Variants in NLGN4X observed in about 807,000 individuals in gnomAD.
NLGN4X encodes the protein neuroligin-4, X-linked.
Under a neutral mutation model 40.3 loss-of-function variants are expected in NLGN4X, and 3 were observed. The ratio of observed to expected loss-of-function variants is 0.07; its 90% CI spans 0.03 to 0.19. The LOEUF (loss-of-function observed/expected upper bound fraction) is 0.19. Among genes scored for constraint, NLGN4X ranks in the 10% least tolerant of loss-of-function variants. NLGN4X has a pLI of 1.00. For missense variants in NLGN4X, 382 were observed against 708.3 expected (o/e 0.54, Z 5.23); for synonymous variants, 270 against 306.8 (o/e 0.88, Z 1.25).
chrX:6,135,085 G>A (rs780546387), intron 2 of NLGN4X, among the ~76,000 whole-genome samples: 7 of 111,889 alleles, frequency 6.3e-5, no homozygotes, highest in East Asian at 5.6e-4. Flanking sequence ...AGCATGTTGC[G>A]CCCACTCCTA....
intron 1 of NLGN4X, among the ~76,000 whole-genome samples, chrX:6,202,925 T>C (rs1244887879): frequency 1.8e-5 from 2 of 111,954 alleles, no homozygotes; most frequent in African/African-American, 3.3e-5. Context: ...TATCCAATAG[T>C]TTGCAAGATT....
chrX:5,910,736 T>A (rs1375312979), intron 3 of NLGN4X, among the ~76,000 whole-genome samples: 1 of 111,321 alleles, frequency 9.0e-6, no homozygotes, highest in Non-Finnish European at 1.9e-5. Flanking sequence ...CCAAAGAAAG[T>A]CACAGGACGA....
At chrX:6,200,687 C>CTTTTTTTTTTTT (rs767226691) in intron 1 of NLGN4X, among the ~76,000 whole-genome samples, 3 of 55,576 alleles carry the variant, frequency 5.4e-5, no homozygotes, top group Non-Finnish European at 9.2e-5. Flanking sequence ...CTTTCCTTTT[C>CTTTTTTTTTTTT]TTTTTTTTTT....
At chrX:6,034,474 A>G (rs1303873702) in intron 2 of NLGN4X, among the ~76,000 whole-genome samples, 2 of 112,165 alleles carry the variant, frequency 1.8e-5, no homozygotes, top group Non-Finnish European at 3.8e-5. Context: ...TTGCATGGAT[A>G]TATGTTTTCA....
At chrX:5,904,184 T>C (rs568009776) in intron 4 of NLGN4X, among the ~76,000 whole-genome samples, 5 of 111,502 alleles carry the variant, frequency 4.5e-5, no homozygotes, top group African/African-American at 1.3e-4. Flanking sequence ...TTTAGTGTCG[T>C]TTTTGCTTCC....
At chrX:6,091,748 A>G (rs911675918) in intron 2 of NLGN4X, among the ~76,000 whole-genome samples, 1 of 112,255 alleles carries the variant, frequency 8.9e-6, no homozygotes, top group Non-Finnish European at 1.9e-5. Flanking sequence ...GATCTGTATT[A>G]CAGAGTAAGA....
At chrX:5,989,290 G>T (rs2035617985) in intron 3 of NLGN4X, among the ~76,000 whole-genome samples, 1 of 110,742 alleles carries the variant, frequency 9.0e-6, no homozygotes, top group Non-Finnish European at 1.9e-5. Context: ...ATTACTATGG[G>T]CTCTGAAACG....
intron 3 of NLGN4X, among the ~76,000 whole-genome samples, chrX:6,011,204 G>A (rs371000696): frequency 2.6e-3 from 293 of 110,588 alleles, no homozygotes; most frequent in African/African-American, 9.3e-3. Flanking sequence ...TTGGCACTAT[G>A]AAAACCTGCT....
chrX:5,929,228 C>T (rs973002920), intron 3 of NLGN4X, among the ~76,000 whole-genome samples: 1 of 111,297 alleles, frequency 9.0e-6, no homozygotes, highest in African/African-American at 3.3e-5. Flanking sequence ...TTTGGGAGGC[C>T]GAGGTGGGAA....
At chrX:6,168,358 TAA>T (rs2040538527) in intron 1 of NLGN4X, among the ~76,000 whole-genome samples, 2 of 112,586 alleles carry the variant, frequency 1.8e-5, no homozygotes, top group Non-Finnish European at 3.7e-5. Flanking sequence ...CTTCAAATAC[TAA>T]AGCGTCATAG....
intron 3 of NLGN4X, among the ~76,000 whole-genome samples, chrX:5,918,087 A>T (rs1243288616): frequency 9.0e-6 from 1 of 111,586 alleles, no homozygotes; most frequent in Non-Finnish European, 1.9e-5. Flanking sequence ...ACCCAAGCAA[A>T]ATCTGGGGGA....
At chrX:5,939,703 G>C (rs2033857708) in intron 3 of NLGN4X, among the ~76,000 whole-genome samples, 1 of 111,345 alleles carries the variant, frequency 9.0e-6, no homozygotes, top group African/African-American at 3.3e-5. Flanking sequence ...ACAAAGAAAA[G>C]AGATAAGGGT....
At chrX:6,161,392 A>ATAATATATTCTAT (rs2040394670) in intron 1 of NLGN4X, among the ~76,000 whole-genome samples, 1 of 94,908 alleles carries the variant, frequency 1.1e-5, no homozygotes, top group African/African-American at 3.8e-5. Flanking sequence ...TATAGGATAT[A>ATAATATATTCTAT]AAATATATTA....
intron 2 of NLGN4X, among the ~76,000 whole-genome samples, chrX:6,094,105 G>A (rs1217667105): frequency 2.7e-5 from 3 of 111,173 alleles, no homozygotes; most frequent in African/African-American, 6.5e-5. Flanking sequence ...TTATTAGAAC[G>A]TCACACAAAT....
intron 2 of NLGN4X, among the ~76,000 whole-genome samples, chrX:6,091,725 C>T (rs1315230963): frequency 8.9e-6 from 1 of 112,086 alleles, no homozygotes; most frequent in Non-Finnish European, 1.9e-5. Flanking sequence ...TTTATAAAAG[C>T]TATTTTCTCA....
At chrX:6,044,131 A>AAATAAATAAATAAAT (rs1311884198) in intron 2 of NLGN4X, among the ~76,000 whole-genome samples, 1 of 110,655 alleles carries the variant, frequency 9.0e-6, no homozygotes, top group African/African-American at 3.3e-5. Context: ...ATAAATAAAT[A>AAATAAATAAATAAAT]AATAACAAAA....
At position 5,905,608 on chromosome X, in the gene NLGN4X, C is replaced by T. The variant is rs762742750; in HGVS notation, c.812-1742G>A. Among the ~76,000 whole-genome samples, 5 of 112,459 alleles carry T rather than the reference C, an allele frequency of 4.4e-5. No homozygotes were observed. The South Asian group carries it at 1.8e-3, about 41-fold the overall frequency. ...GTGGTGAACATCTTCATAAAACTAT[C>T]ACTTTCCACGTGTACTTTGTCTTCA... On this transcript the variant is annotated intron_variant, in intron 4 of 5. Coordinates refer to ENST00000381095, the MANE Select transcript of NLGN4X (RefSeq NM_181332.3).
intron 3 of NLGN4X, among the ~76,000 whole-genome samples, chrX:5,916,750 ATTTGT>A (rs1170365623): frequency 8.9e-6 from 1 of 112,247 alleles, no homozygotes; most frequent in Admixed American, 9.5e-5. Context: ...CGTCCAGCCC[ATTTGT>A]TTTATTAAAA....
At chrX:6,132,348 G>T (rs1434154215) in intron 2 of NLGN4X, among the ~76,000 whole-genome samples, 1 of 111,438 alleles carries the variant, frequency 9.0e-6, no homozygotes, top group Non-Finnish European at 1.9e-5. Flanking sequence ...GCTGAATCTA[G>T]AATCAGTAAG....
Sources: gnomAD v4.1 joint callset for allele counts (sites outside exome capture counted in the v4.1 genomes callset) on GRCh38, gnomAD v4.1.1 for gene constraint, MANE v1.5 for transcripts, NCBI Gene and HGNC (gene_info 2026-07-23, HGNC 2026-07-21) for gene names.